SGCZ: variants seen among roughly 807,000 people sequenced by gnomAD.
SGCZ encodes sarcoglycan zeta.
Under a neutral mutation model 41.3 loss-of-function variants are expected in SGCZ, and 40 were observed. The ratio of observed to expected loss-of-function variants is 0.97; its 90% CI spans 0.75 to 1.26. SGCZ has a LOEUF of 1.26. SGCZ is among the 50% of genes most tolerant of loss of function. The pLI is 0.00. For synonymous variants in SGCZ, 206 were observed against 137.5 expected, an observed-to-expected ratio of 1.50 and a Z score of -3.49; for missense variants, 552 against 369.8, an observed-to-expected ratio of 1.49 and a Z score of -4.04.
intron 1 of SGCZ, among the ~76,000 whole-genome samples, chr8:15,014,208 A>G (rs571622811): frequency 6.6e-6 from 1 of 152,266 alleles, no homozygotes; most frequent in African/African-American, 2.4e-5. Context: ...AGTTGTCAGG[A>G]TATGCTGGAA....
At chr8:15,223,180 C>A (rs1801661294) in intron 1 of SGCZ, among the ~76,000 whole-genome samples, 2 of 152,118 alleles carry the variant, frequency 1.3e-5, no homozygotes. Context: ...GGTTTACTGT[C>A]ATCCGTTTCT....
intron 1 of SGCZ, among the ~76,000 whole-genome samples, chr8:15,237,054 T>G (rs1478221827): frequency 6.6e-6 from 1 of 152,094 alleles, no homozygotes; most frequent in Admixed American, 6.5e-5. Context: ...GGAAAAGGGG[T>G]CTCACGAAGT....
In SGCZ at chr8:15,027,080, C is replaced by T. The variant is rs367845448; in HGVS notation, c.39+210505G>A. Among the ~76,000 whole-genome samples the T allele has an allele frequency of 7.8e-4, 119 of 152,278 alleles. 1 individual carries two copies. The highest frequency in any genetic ancestry group is 2.7e-3 in the African/African-American group (113 of 41,556). ...GTCTCAACTGCCTAACACATACTGG[C>T]TATATGCCACAAATATGGCAGCTTT... On this transcript the variant is annotated intron_variant, in intron 1 of 7. Coordinates refer to ENST00000382080, the MANE Select transcript of SGCZ (RefSeq NM_139167.4).
At chr8:14,259,918 C>T (rs1028523177) in intron 3 of SGCZ, among the ~76,000 whole-genome samples, 50 of 152,198 alleles carry the variant, frequency 3.3e-4, no homozygotes, top group Admixed American at 2.1e-3. Flanking sequence ...GCCATTTTCA[C>T]GATATTGATT....
chr8:14,456,267 G>A (rs933296454), intron 2 of SGCZ, among the ~76,000 whole-genome samples: 1 of 152,086 alleles, frequency 6.6e-6, no homozygotes, highest in African/African-American at 2.4e-5. Flanking sequence ...AATTAGCCGG[G>A]TGTGGTGGTG....
At chr8:14,889,942 T>C (rs571370148) in intron 1 of SGCZ, among the ~76,000 whole-genome samples, 1 of 152,194 alleles carries the variant, frequency 6.6e-6, no homozygotes, top group Non-Finnish European at 1.5e-5. Context: ...GGAAGACCTG[T>C]TGAAAGCAGG....
chr8:14,612,935 C>T (rs1244961610), intron 1 of SGCZ, among the ~76,000 whole-genome samples: 2 of 152,194 alleles, frequency 1.3e-5, no homozygotes, highest in Non-Finnish European at 1.5e-5. Context: ...ATCCACTTGC[C>T]TCGGCCTCCC....
At chr8:14,497,711 A>C (rs1436528462) in intron 2 of SGCZ, among the ~76,000 whole-genome samples, 1 of 152,060 alleles carries the variant, frequency 6.6e-6, no homozygotes, top group Non-Finnish European at 1.5e-5. Context: ...TTCCTGTGCT[A>C]AACCGTTCAT....
chr8:14,333,386 C>T (rs1345507391), intron 2 of SGCZ, among the ~76,000 whole-genome samples: 2 of 151,934 alleles, frequency 1.3e-5, no homozygotes, highest in Non-Finnish European at 1.5e-5. Context: ...CTAAAAATTG[C>T]CATCTGTAAG....
chr8:14,674,424 C>G (rs1014474255), intron 1 of SGCZ, among the ~76,000 whole-genome samples: 1 of 152,038 alleles, frequency 6.6e-6, no homozygotes, highest in African/African-American at 2.4e-5. Context: ...ACTAATTGTA[C>G]AGAAGTAGCT....
At chr8:14,119,010 T>C (rs1802609116) in intron 5 of SGCZ, among the ~76,000 whole-genome samples, 1 of 152,168 alleles carries the variant, frequency 6.6e-6, no homozygotes, top group Admixed American at 6.6e-5. Context: ...CCTCCAGCTT[T>C]GTTCTTTTTA....
chr8:14,416,295 C>T (rs112281186), intron 2 of SGCZ, among the ~76,000 whole-genome samples: 4 of 151,974 alleles, frequency 2.6e-5, no homozygotes, highest in African/African-American at 9.6e-5. Flanking sequence ...GTAATAAGAC[C>T]GAGCAGCTGT....
chr8:15,004,565 T>C (rs1288062343), intron 1 of SGCZ, among the ~76,000 whole-genome samples: 1 of 152,176 alleles, frequency 6.6e-6, no homozygotes, highest in East Asian at 1.9e-4. Flanking sequence ...CAGTGTCTCA[T>C]TCTGTTTCAG....
chr8:14,254,453 AT>A (rs1355898542), intron 3 of SGCZ, among the ~76,000 whole-genome samples: 1 of 152,198 alleles, frequency 6.6e-6, no homozygotes, highest in Non-Finnish European at 1.5e-5. Context: ...TAGGTAGAGC[AT>A]TAGGGATATA....
intron 4 of SGCZ, among the ~76,000 whole-genome samples, chr8:14,165,673 C>G (rs180749755): frequency 1.6e-3 from 243 of 152,180 alleles, no homozygotes; most frequent in Non-Finnish European, 2.2e-3. Context: ...CAGATAGAAC[C>G]CAGCTGAGTC....
chr8:15,217,334 G>A lies in SGCZ; in HGVS notation c.39+20251C>T, dbSNP rs1054863008. On this transcript the variant is annotated intron_variant, in intron 1 of 7. Coordinates refer to ENST00000382080, the MANE Select transcript of SGCZ (RefSeq NM_139167.4). ...TGGGAGGCTGAGGCAGGAGAATGGC[G>A]TGAACCCGGGAGGCGGAGCTTGCAG... Among the ~76,000 whole-genome samples the A allele has an allele frequency of 1.7e-3, 257 of 151,076 alleles. 1 individual carries two copies. The highest frequency in any genetic ancestry group is 5.6e-3 in the African/African-American group (230 of 41,138).
At chr8:15,233,342 A>AAAG (rs1554482497) in intron 1 of SGCZ, among the ~76,000 whole-genome samples, 1 of 151,464 alleles carries the variant, frequency 6.6e-6, no homozygotes, top group Admixed American at 6.6e-5. Flanking sequence ...AAAAAAAAAA[A>AAAG]AAAGAAAGAA....
chr8:15,186,204 G>A (rs1214360647), intron 1 of SGCZ, among the ~76,000 whole-genome samples: 3 of 142,818 alleles, frequency 2.1e-5, no homozygotes, highest in African/African-American at 5.4e-5. Flanking sequence ...GGAGCTTGCA[G>A]TGAGCAGAGA....
rs559730320 is a variant in SGCZ at position 14,537,916 on chromosome 8, C to G, written c.234+16816G>C. On this transcript the variant is annotated intron_variant, in intron 2 of 7. Transcript: ENST00000382080. ...AAAAATAGAAAGAGACCCTCTATCT[C>G]CAGGTACAACTCTTTCGTTTGCTTT... 3.5e-3 allele frequency among the ~76,000 whole-genome samples: 535 copies of G among 151,954 alleles called. 6 individuals carry two copies. Among genetic ancestry groups the G allele is most frequent in the African/African-American group, 0.012 (505 of 41,532 alleles).
Sources: gnomAD v4.1 joint callset for allele counts (sites outside exome capture counted in the v4.1 genomes callset) on GRCh38, gnomAD v4.1.1 for gene constraint, MANE v1.5 for transcripts, NCBI Gene and HGNC (gene_info 2026-07-23, HGNC 2026-07-21) for gene names.